SMAD6: variants seen among roughly 807,000 people sequenced by gnomAD.
SMAD6 encodes the protein MAD homolog 6.
In SMAD6, 103 loss-of-function variants were observed where a neutral mutation model predicts 39.4. The ratio of observed to expected loss-of-function variants is 2.62; its 90% CI spans 2.23 to 3.08. The LOEUF (loss-of-function observed/expected upper bound fraction) is 3.08. Ranked by LOEUF, SMAD6 falls within the 30% of genes most tolerant of loss-of-function variation. The probability of loss-of-function intolerance (pLI) is 0.00; values close to 1 mark genes in which losing one functional copy is unlikely to be tolerated. For synonymous variants in SMAD6, 445 were observed against 353.3 expected (o/e 1.26, Z -2.91); for missense variants, 1,104 against 742.9 (o/e 1.49, Z -5.65).
At chr15:66,714,425 C>A (rs1252200325) in intron 2 of SMAD6, among the ~76,000 whole-genome samples, 2 of 152,074 alleles carry the variant, frequency 1.3e-5, no homozygotes, top group African/African-American at 2.4e-5. Flanking sequence ...TTTGTGACAC[C>A]TGAAAATTAC....
At chr15:66,766,227 C>A (rs925786100) in intron 3 of SMAD6, among the ~76,000 whole-genome samples, 8 of 152,172 alleles carry the variant, frequency 5.3e-5, no homozygotes, top group South Asian at 2.1e-4. Flanking sequence ...GGGCAGGCGC[C>A]AGCCTCGTAG....
chr15:66,739,391 A>T (rs992070732), intron 3 of SMAD6, among the ~76,000 whole-genome samples: 1 of 152,136 alleles, frequency 6.6e-6, no homozygotes, highest in African/African-American at 2.4e-5. Flanking sequence ...GCCTGGCCTT[A>T]CCCAGGCCTT....
At chr15:66,718,159 T>C (rs1391416626) in intron 3 of SMAD6, among the ~76,000 whole-genome samples, 2 of 151,248 alleles carry the variant, frequency 1.3e-5, no homozygotes, top group Admixed American at 6.6e-5. Context: ...TGTCTGTGCA[T>C]GTGCATACCT....
chr15:66,703,927 G>T lies in SMAD6; in HGVS notation c.669G>T (p.Gln223His). 1.5e-6 allele frequency: 2 copies of T among 1,331,172 alleles called. No individual in the cohort carries two copies. Among genetic ancestry groups the T allele is most frequent in the Non-Finnish European group, 9.6e-7 (1 of 1,043,356 alleles). The allele number at this position is 1,331,172 out of a possible 1,614,324, so 82.5% of individuals were successfully genotyped here. Reference sequence around the variant, plus strand: ...TGGGCGGCCAGCCCGCGCCGCCGCAGCTGCTGCTCGGCCGCCTCTTTCGCT... The same window carrying T: ...TGGGCGGCCAGCCCGCGCCGCCGCATCTGCTGCTCGGCCGCCTCTTTCGCT... ...LRLGGQPAPP[Q>H]LLLGRLFRWP... Residue 223 changes from glutamine to histidine, a missense_variant, in exon 1 of 4, where the codon CAG becomes CAT. By Grantham distance (24) the Gln-to-His change is conservative (BLOSUM62 0). Transcript: ENST00000288840.
chr15:66,770,596 CTCCAGAG>C (rs942877559), intron 3 of SMAD6, among the ~76,000 whole-genome samples: 5 of 152,216 alleles, frequency 3.3e-5, no homozygotes, highest in African/African-American at 1.2e-4. Context: ...AACAAACACA[CTCCAGAG>C]TCCGACTTTA....
At chr15:66,716,551 CA>C (rs1249058020) in intron 3 of SMAD6, 53 bp downstream of exon 3, 15 of 1,329,856 alleles carry the variant, frequency 1.1e-5, no homozygotes, top group Non-Finnish European at 1.6e-5. Flanking sequence ...TCGAAGGGGA[CA>C]GCTGCGGAGG....
intron 1 of SMAD6, chr15:66,707,256 C>T (rs891974036): frequency 6.6e-6 from 1 of 151,640 alleles, no homozygotes; most frequent in Admixed American, 6.6e-5. Flanking sequence ...CGGAATAAAT[C>T]TCCTGCTCTT....
rs1393989883 is a variant in SMAD6, at chr15:66,703,453, G to A, written c.195G>A (p.Pro65=). The A allele has an allele frequency of 6.3e-6, 8 of 1,273,186 alleles. No individual in the cohort carries two copies. The highest frequency in any genetic ancestry group is 6.2e-5 in the African/African-American group (4 of 64,250). 78.9% of individuals were successfully genotyped at this position (1,273,186 alleles called of 1,614,324 possible). ...CGRSEVRPVA[P]RRPRDAVGQR... ...GCTCCGAAGTCCGCCCGGTAGCCCC[G>A]CGGCGGCCCCGGGACGCAGTGGGAC... is the stretch of plus-strand genomic sequence containing the variant. The change falls in exon 1 of 4, where the codon CCG becomes CCA. Residue 65 remains proline (P), a synonymous_variant. Coordinates refer to ENST00000288840, the MANE Select transcript of SMAD6 (RefSeq NM_005585.5).
chr15:66,712,894 C>A (rs1893259568), intron 2 of SMAD6, among the ~76,000 whole-genome samples: 1 of 151,972 alleles, frequency 6.6e-6, no homozygotes, highest in Admixed American at 6.6e-5. Flanking sequence ...GTAATCCTAG[C>A]TACTTAGGAG....
At chr15:66,729,739 G>T (rs558440518) in intron 3 of SMAD6, among the ~76,000 whole-genome samples, 2 of 152,270 alleles carry the variant, frequency 1.3e-5, no homozygotes, top group South Asian at 4.1e-4. Context: ...GTGTTTATAG[G>T]CTTGATTCAC....
intron 3 of SMAD6, among the ~76,000 whole-genome samples, chr15:66,778,085 CTT>C (rs11462070): frequency 3.2e-4 from 44 of 139,456 alleles, no homozygotes; most frequent in Admixed American, 5.0e-4. Flanking sequence ...TTTTCTTTTC[CTT>C]TTTTTTTTTT....
intron 3 of SMAD6, among the ~76,000 whole-genome samples, chr15:66,773,866 G>A (rs935679787): frequency 6.6e-6 from 1 of 152,180 alleles, no homozygotes; most frequent in Non-Finnish European, 1.5e-5. Flanking sequence ...TCTTGGTAGG[G>A]TCTGGGCCTG....
chr15:66,719,388 G>C (rs1893391068), intron 3 of SMAD6, among the ~76,000 whole-genome samples: 1 of 152,144 alleles, frequency 6.6e-6, no homozygotes, highest in South Asian at 2.1e-4. Flanking sequence ...GGGCGGCTCC[G>C]TGCCCTTCCA....
intron 3 of SMAD6, among the ~76,000 whole-genome samples, chr15:66,742,877 C>T (rs1249345135): frequency 6.6e-6 from 1 of 152,172 alleles, no homozygotes; most frequent in African/African-American, 2.4e-5. Context: ...GGTGCTCTTA[C>T]TGGGTTCTTC....
chr15:66,774,012 ACCG>A (rs1433355873), intron 3 of SMAD6, among the ~76,000 whole-genome samples: 4 of 151,928 alleles, frequency 2.6e-5, no homozygotes, highest in Non-Finnish European at 5.9e-5. Context: ...AGGAGTAGGG[ACCG>A]CCTGCTCCCC....
chr15:66,745,293 C>T (rs943322107), intron 3 of SMAD6, among the ~76,000 whole-genome samples: 3 of 152,138 alleles, frequency 2.0e-5, no homozygotes. Context: ...GGCCCTGAGC[C>T]CCCTACCCGC....
At chr15:66,715,764 TAAAAAA>T (rs55742236) in intron 2 of SMAD6, among the ~76,000 whole-genome samples, 1 of 103,044 alleles carries the variant, frequency 9.7e-6, no homozygotes, top group African/African-American at 3.6e-5. Context: ...TAAAACTACT[TAAAAAA>T]AAAAAAAAAA....
At chr15:66,744,021 T>C (rs900623325) in intron 3 of SMAD6, among the ~76,000 whole-genome samples, 1 of 152,102 alleles carries the variant, frequency 6.6e-6, no homozygotes, top group African/African-American at 2.4e-5. Flanking sequence ...GTGCACATCA[T>C]TGGTGACTTC....
In SMAD6 at chr15:66,703,594, C is replaced by A. The variant is rs371330988; in HGVS notation, c.336C>A (p.Gly112=). The change falls in exon 1 of 4, where the codon GGC becomes GGA. Residue 112 remains glycine, a synonymous_variant. Transcript: ENST00000288840. The stretch of plus-strand genomic sequence containing the variant: ...TGCTGGACGTGGCGGAGCCGGGAGG[C>A]CCGGGCTGGCTGCCCGAGAGTGACT... The part of the protein sequence containing the change: ...SSLLDVAEPG[G]PGWLPESDCE... 278 of 1,227,948 alleles carry A rather than the reference C, an allele frequency of 2.3e-4. No individual in the cohort carries two copies. In the African/African-American group the frequency reaches 4.0e-3, roughly 18 times the overall value. 76.1% of individuals were successfully genotyped at this position (1,227,948 alleles called of 1,614,324 possible). A position where few individuals can be genotyped will look rare whatever the true frequency, so the allele number is the denominator to read the frequency against.
Sources: gnomAD v4.1 joint callset for allele counts (sites outside exome capture counted in the v4.1 genomes callset) on GRCh38, gnomAD v4.1.1 for gene constraint, MANE v1.5 for transcripts, NCBI Gene and HGNC (gene_info 2026-07-23, HGNC 2026-07-21) for gene names.